Variants in PTPRD observed in about 807,000 individuals in gnomAD.
PTPRD encodes protein tyrosine phosphatase receptor type D, also known as receptor-type tyrosine-protein phosphatase delta.
In PTPRD, 34 loss-of-function variants were observed where a neutral mutation model predicts 214.5. The ratio of observed to expected loss-of-function variants is 0.16; its 90% CI spans 0.12 to 0.21. PTPRD has a LOEUF of 0.21. Ranked by LOEUF, PTPRD falls within the 10% of genes least tolerant of loss-of-function variation. The pLI is 1.00. For synonymous variants in PTPRD, 1,128 were observed against 845.7 expected (o/e 1.33, Z -5.79); for missense variants, 2,545 against 2,398.7 (o/e 1.06, Z -1.27).
chr9:9,231,694 C>G (rs571798894), intron 9 of PTPRD, among the ~76,000 whole-genome samples: 6 of 151,952 alleles, frequency 3.9e-5, no homozygotes, highest in Admixed American at 3.3e-4. Context: ...CAGTAACACA[C>G]TTGAGATTTA....
chr9:9,440,130 A>G (rs2086953399), intron 8 of PTPRD, among the ~76,000 whole-genome samples: 1 of 152,204 alleles, frequency 6.6e-6, no homozygotes, highest in Admixed American at 6.5e-5. Context: ...ATTATATATA[A>G]GCATTAGATA....
At chr9:9,998,125 A>ATATAT (rs1286206158) in intron 4 of PTPRD, among the ~76,000 whole-genome samples, 802 of 48,496 alleles carry the variant, frequency 0.017, 8 homozygotes, top group Non-Finnish European at 0.025. Flanking sequence ...TAAAAAAAAA[A>ATATAT]AAAAATATAT....
intron 10 of PTPRD, among the ~76,000 whole-genome samples, chr9:9,065,020 G>A (rs1030106350): frequency 1.3e-5 from 2 of 152,140 alleles, no homozygotes; most frequent in African/African-American, 4.8e-5. Flanking sequence ...ACTTTTGGCT[G>A]AAGAATTCAT....
chr9:8,983,516 T>C (rs1203740230), intron 11 of PTPRD, among the ~76,000 whole-genome samples: 1 of 151,784 alleles, frequency 6.6e-6, no homozygotes, highest in East Asian at 1.9e-4. Flanking sequence ...TTCTTCCCCC[T>C]CCCCCCGCTT....
At chr9:8,484,054 T>G in intron 30 of PTPRD, 65 bp downstream of exon 30, 72 of 1,534,718 alleles carry the variant, frequency 4.7e-5, no homozygotes, top group Non-Finnish European at 6.1e-5. Flanking sequence ...TCTATAATTT[T>G]GAGATATAAT....
intron 14 of PTPRD, among the ~76,000 whole-genome samples, chr9:8,598,873 A>C (rs1016942311): frequency 2.3e-4 from 35 of 152,178 alleles, no homozygotes; most frequent in African/African-American, 8.4e-4. Flanking sequence ...CAAGACGTAG[A>C]AGCAAAATAG....
intron 41 of PTPRD, among the ~76,000 whole-genome samples, chr9:8,340,756 AAG>A (rs1851708176): frequency 6.6e-6 from 1 of 152,082 alleles, no homozygotes; most frequent in Admixed American, 6.6e-5. Context: ...CAAATTACTT[AAG>A]AAACACTTAG....
At chr9:8,514,705 T>A (rs978286621) in intron 21 of PTPRD, among the ~76,000 whole-genome samples, 10 of 152,120 alleles carry the variant, frequency 6.6e-5, no homozygotes, top group Admixed American at 5.9e-4. Context: ...TACACTGGCA[T>A]AAAAACACAA....
At chr9:8,792,037 T>C (rs74383129) in intron 11 of PTPRD, among the ~76,000 whole-genome samples, 1 of 152,148 alleles carries the variant, frequency 6.6e-6, no homozygotes, top group East Asian at 1.9e-4. Context: ...AAATTATCTG[T>C]CACAATCATT....
At chr9:8,927,972 T>C (rs1395341775) in intron 11 of PTPRD, among the ~76,000 whole-genome samples, 4 of 152,234 alleles carry the variant, frequency 2.6e-5, no homozygotes, top group Admixed American at 2.6e-4. Context: ...TGATGAGCTT[T>C]TTTTCATATT....
At chr9:8,358,113 G>A (rs2077436034) in intron 39 of PTPRD, among the ~76,000 whole-genome samples, 1 of 152,106 alleles carries the variant, frequency 6.6e-6, no homozygotes, top group Admixed American at 6.6e-5. Context: ...TTTATTTAGT[G>A]TCTGTTTCAC....
At chr9:8,827,437 T>C (rs1355662485) in intron 11 of PTPRD, among the ~76,000 whole-genome samples, 2 of 152,092 alleles carry the variant, frequency 1.3e-5, no homozygotes, top group African/African-American at 4.8e-5. Context: ...TGAAACCCCA[T>C]CTCTACTAAA....
chr9:8,757,853 G>A (rs896476272), intron 11 of PTPRD, among the ~76,000 whole-genome samples: 25 of 152,052 alleles, frequency 1.6e-4, no homozygotes, highest in Admixed American at 4.6e-4. Context: ...ATTTTGACCT[G>A]TATGGCATGA....
intron 3 of PTPRD, among the ~76,000 whole-genome samples, chr9:10,330,362 A>G: frequency 6.6e-6 from 1 of 151,850 alleles, no homozygotes; most frequent in Non-Finnish European, 1.5e-5. Context: ...GGCAAGTTGC[A>G]AATTCTCACG....
chr9:9,435,217 A>C (rs2084746053), intron 8 of PTPRD, among the ~76,000 whole-genome samples: 1 of 152,030 alleles, frequency 6.6e-6, no homozygotes, highest in Non-Finnish European at 1.5e-5. Context: ...AAACTTTAAA[A>C]CGCCAGGACC....
intron 5 of PTPRD, among the ~76,000 whole-genome samples, chr9:9,823,235 G>T: frequency 6.6e-6 from 1 of 152,004 alleles, no homozygotes; most frequent in East Asian, 1.9e-4. Context: ...GCCTCCATCT[G>T]CCTGGCTTCT....
intron 12 of PTPRD, among the ~76,000 whole-genome samples, chr9:8,714,207 G>A (rs2098404376): frequency 6.6e-6 from 1 of 152,162 alleles, no homozygotes; most frequent in Non-Finnish European, 1.5e-5. Flanking sequence ...AGTTATCAGT[G>A]CCATCAAGAG....
At chr9:10,472,842 T>C (rs192680971) in intron 2 of PTPRD, among the ~76,000 whole-genome samples, 1 of 151,860 alleles carries the variant, frequency 6.6e-6, no homozygotes. Flanking sequence ...TAATTATAAC[T>C]CAAGTTATTT....
chr9:8,453,315 C>T (rs35571358), intron 33 of PTPRD, among the ~76,000 whole-genome samples: 15,666 of 152,048 alleles, frequency 0.1, 975 homozygotes, highest in Non-Finnish European at 0.14. Flanking sequence ...AGGCGCCCGC[C>T]ACCATGCCTG....
Sources: gnomAD v4.1 joint callset for allele counts (sites outside exome capture counted in the v4.1 genomes callset) on GRCh38, gnomAD v4.1.1 for gene constraint, MANE v1.5 for transcripts, NCBI Gene and HGNC (gene_info 2026-07-23, HGNC 2026-07-21) for gene names.